MRPS25: variants seen among roughly 807,000 people sequenced by gnomAD.
The protein encoded by MRPS25 is small ribosomal subunit protein mS25.
Under a neutral mutation model 17.3 loss-of-function variants are expected in MRPS25, and 15 were observed. The ratio of observed to expected loss-of-function variants is 0.87; its 90% CI spans 0.58 to 1.34. MRPS25 has a LOEUF of 1.34. Among genes scored for constraint, MRPS25 ranks in the 40% most tolerant of loss-of-function variants. MRPS25 has a pLI of 0.00. For synonymous variants in MRPS25, 94 were observed against 83.3 expected, an observed-to-expected ratio of 1.13 and a Z score of -0.70; for missense variants, 225 against 218.6, an observed-to-expected ratio of 1.03 and a Z score of -0.19.
At position 15,059,454 on chromosome 3, in the gene MRPS25, T is replaced by C. The variant is rs773790532; in HGVS notation, c.156A>G (p.Ile52Met). ...AAGGGTTTTTGTATTGAATCTGAGG[T>C]ATGTTGAAAAACACAAACTTCCTGC... Reference protein sequence around the residue: ...EGARKFVFFNIPQIQYKNPWV... With the variant: ...EGARKFVFFNMPQIQYKNPWV... Residue 52 changes from isoleucine to methionine, a missense_variant, in exon 2 of 4, where the codon ATA becomes ATG. Ile to Met is a conservative substitution (Grantham distance 10). Transcript: ENST00000253686. 4.3e-6 allele frequency: 7 copies of C among 1,613,088 alleles called. No homozygotes were observed. The highest frequency in any genetic ancestry group is 1.7e-4 in the Middle Eastern group (1 of 6,056).
At chr3:15,044,033 GGAGTGTGAGC>G (rs1328804649), downstream of MRPS25, 1 of 152,164 alleles carries the variant, frequency 6.6e-6, no homozygotes, top group Non-Finnish European at 1.5e-5. Flanking sequence ...GTGTGGCCTT[GGAGTGTGAGC>G]GTTACCTTCC....
chr3:15,043,556 A>C (rs2042347179), downstream of MRPS25: 2 of 152,706 alleles, frequency 1.3e-5, no homozygotes, highest in African/African-American at 4.8e-5. Flanking sequence ...ACAGGAGACA[A>C]TCATTTATGT....
intron 3 of MRPS25, among the ~76,000 whole-genome samples, chr3:15,052,845 C>T (rs978322840): frequency 2.6e-5 from 4 of 152,216 alleles, no homozygotes; most frequent in African/African-American, 9.6e-5. Flanking sequence ...CCTCACACCA[C>T]AGCAGCAAGC....
intron 1 of MRPS25, among the ~76,000 whole-genome samples, chr3:15,061,749 G>A (rs1411938199): frequency 1.5e-4 from 22 of 151,610 alleles, no homozygotes; most frequent in East Asian, 3.9e-4. Context: ...CTGCCCGGCC[G>A]CCCATCGTCT....
In MRPS25 at chr3:15,048,550, G is replaced by A. The variant is rs2042537413; in HGVS notation, c.*3891C>T. 6.6e-6 allele frequency: 1 copy of A among 152,560 alleles called. No homozygotes were observed. The highest frequency in any genetic ancestry group is 2.4e-5 in the African/African-American group (1 of 41,428). 9.5% of individuals were successfully genotyped at this position (152,560 alleles called of 1,614,324 possible). ...TTCAACATTTATTGATTGATAGACT[G>A]TTAAAATTTAATGTTTGGAATAACA... On this transcript the variant is annotated 3_prime_UTR_variant, in exon 4 of 4. Coordinates refer to ENST00000253686, the MANE Select transcript of MRPS25 (RefSeq NM_022497.5).
At chr3:15,053,309 C>T in intron 3 of MRPS25, 71 bp downstream of exon 3, 1 of 1,606,924 alleles carries the variant, frequency 6.2e-7, no homozygotes, top group Non-Finnish European at 8.5e-7. Flanking sequence ...ACCCTTCCCA[C>T]ACACCCCTTT....
At position 15,050,523 on chromosome 3, in the gene MRPS25, C is replaced by G; in HGVS notation, c.*1918G>C. 1.0e-6 allele frequency: 1 copy of G among 985,628 alleles called. No homozygotes were observed. Among genetic ancestry groups the G allele is most frequent in the Non-Finnish European group, 1.2e-6 (1 of 830,130 alleles). 61.1% of individuals were successfully genotyped at this position (985,628 alleles called of 1,614,324 possible). A position where few individuals can be genotyped will look rare whatever the true frequency, so the allele number is the denominator to read the frequency against. ...AAAGCCAAAAGGAACTAGGTGCTTTCTGAAGAGCCCTTGCAGCCAAGTAGA... is the reference window on the plus strand; with the variant it reads ...AAAGCCAAAAGGAACTAGGTGCTTTGTGAAGAGCCCTTGCAGCCAAGTAGA... On this transcript the variant is annotated 3_prime_UTR_variant, in exon 4 of 4. Coordinates refer to ENST00000253686, the MANE Select transcript of MRPS25 (RefSeq NM_022497.5).
chr3:15,057,007 T>C (rs796533593), intron 2 of MRPS25, among the ~76,000 whole-genome samples: 4 of 152,158 alleles, frequency 2.6e-5, no homozygotes, highest in Non-Finnish European at 2.9e-5. Context: ...TGTCCACAGA[T>C]AGAGACCTGC....
intron 1 of MRPS25, among the ~76,000 whole-genome samples, chr3:15,062,863 G>C (rs2042797302): frequency 6.6e-6 from 1 of 152,096 alleles, no homozygotes; most frequent in Non-Finnish European, 1.5e-5. Flanking sequence ...ACAGATGCTT[G>C]AAAGCAGCAT....
At chr3:15,060,250 C>A (rs2042732529) in intron 1 of MRPS25, among the ~76,000 whole-genome samples, 1 of 152,132 alleles carries the variant, frequency 6.6e-6, no homozygotes, top group Non-Finnish European at 1.5e-5. Context: ...CAGTGGCTCA[C>A]ACCTGTAATC....
chr3:15,052,569 G>C lies in MRPS25; in HGVS notation c.394C>G (p.Arg132Gly), dbSNP rs1046101036. 5 of 1,614,160 alleles carry C rather than the reference G, an allele frequency of 3.1e-6. No individual in the cohort carries two copies. In the Admixed American group the frequency reaches 5.0e-5, roughly 16 times the overall value. The change falls in exon 4 of 4, where the codon CGA becomes GGA. Residue 132 changes from arginine (R) to glycine (G), a missense_variant. Physicochemically the swap from Arg to Gly is moderately radical, Grantham distance 125 (BLOSUM62 -2). Transcript: ENST00000253686. ...QLSHPANFGP[R>G]KYCLRECICE... Reference sequence around the variant, plus strand: ...ATGCACTCCCGCAGGCAGTACTTTCGAGGGCCGAAGTTGGCTGGGTGAGAA... The same window carrying C: ...ATGCACTCCCGCAGGCAGTACTTTCCAGGGCCGAAGTTGGCTGGGTGAGAA...
intron 1 of MRPS25, among the ~76,000 whole-genome samples, chr3:15,063,558 C>A (rs1007802223): frequency 2.0e-5 from 3 of 152,150 alleles, no homozygotes; most frequent in Admixed American, 1.3e-4. Context: ...ACAGGTGGCA[C>A]AGGCCAGCCC....
At position 15,052,273 on chromosome 3, in the gene MRPS25, C is replaced by T; in HGVS notation, c.*168G>A. 4 of 1,386,016 alleles carry T rather than the reference C, an allele frequency of 2.9e-6. No individual in the cohort carries two copies. The Middle Eastern group carries it at 7.9e-4, about 273-fold the overall frequency. 85.9% of individuals were successfully genotyped at this position (1,386,016 alleles called of 1,614,324 possible). ...ATTCATTTAGCAGCTCAGCTTCAGA[C>T]CCTCCTCTCCCACATCCTTTTACAC... On this transcript the variant is annotated 3_prime_UTR_variant, in exon 4 of 4. Coordinates refer to ENST00000253686, the MANE Select transcript of MRPS25 (RefSeq NM_022497.5).
chr3:15,050,334 C>CGGA lies in MRPS25; in HGVS notation c.*2106_*2107insTCC. On this transcript the variant is annotated 3_prime_UTR_variant, in exon 4 of 4. Coordinates refer to ENST00000253686, the MANE Select transcript of MRPS25 (RefSeq NM_022497.5). Reference sequence around the variant, plus strand: ...AAGCCTGAACTCAAACCCTAGTTATCTGTCCCATTAGGGACCAGACATTTA... The same window carrying CGGA: ...AAGCCTGAACTCAAACCCTAGTTATCGGATGTCCCATTAGGGACCAGACATTTA... The CGGA allele has an allele frequency of 9.3e-7, 1 of 1,075,008 alleles. No individual in the cohort carries two copies. The highest frequency in any genetic ancestry group is 1.1e-6 in the Non-Finnish European group (1 of 887,994). The allele number at this position is 1,075,008 out of a possible 1,614,324, so 66.6% of individuals were successfully genotyped here. A position where few individuals can be genotyped will look rare whatever the true frequency, so the allele number is the denominator to read the frequency against.
At chr3:15,062,878 G>A (rs910349814) in intron 1 of MRPS25, among the ~76,000 whole-genome samples, 8 of 151,974 alleles carry the variant, frequency 5.3e-5, no homozygotes, top group East Asian at 3.9e-4. Context: ...CAGCATGCTC[G>A]TTAAGAGTCA....
downstream of MRPS25, chr3:15,047,416 C>T (rs1249719846): frequency 1.3e-5 from 2 of 152,206 alleles, no homozygotes; most frequent in African/African-American, 2.4e-5. Flanking sequence ...ATCTTAATAT[C>T]CAAAACTAAG....
downstream of MRPS25, chr3:15,044,343 C>T (rs563478067): frequency 3.3e-5 from 5 of 152,316 alleles, no homozygotes; most frequent in East Asian, 5.8e-4. Flanking sequence ...CCGACCACCC[C>T]GGAGCATTTT....
rs1010413377 is a variant in MRPS25 at position 15,050,188 on chromosome 3, A to G, written c.*2253T>C. 4 of 1,211,688 alleles carry G rather than the reference A, an allele frequency of 3.3e-6. No homozygotes were observed. The highest frequency in any genetic ancestry group is 4.9e-5 in the Admixed American group (1 of 20,570). 75.1% of individuals were successfully genotyped at this position (1,211,688 alleles called of 1,614,324 possible). ...AAAGAAAATAATGTTTATTTCCACA[A>G]ATTATCTGCTGCCTGTGAAGCTGGC... On this transcript the variant is annotated 3_prime_UTR_variant, in exon 4 of 4. Coordinates refer to ENST00000253686, the MANE Select transcript of MRPS25 (RefSeq NM_022497.5).
intron 2 of MRPS25, 86 bp downstream of exon 2, chr3:15,059,283 C>T: frequency 1.1e-6 from 1 of 929,722 alleles, no homozygotes; most frequent in Non-Finnish European, 1.7e-6. Context: ...CACACTGCAG[C>T]TCATCCTGAC....
Sources: gnomAD v4.1 joint callset for allele counts (sites outside exome capture counted in the v4.1 genomes callset) on GRCh38, gnomAD v4.1.1 for gene constraint, MANE v1.5 for transcripts, NCBI Gene and HGNC (gene_info 2026-07-23, HGNC 2026-07-21) for gene names.